MKLN1: variants seen among roughly 807,000 people sequenced by gnomAD.
MKLN1 encodes the protein muskelin.
Under a neutral mutation model 99.0 loss-of-function variants are expected in MKLN1, and 18 were observed. The ratio of observed to expected loss-of-function variants is 0.18; its 90% CI spans 0.13 to 0.27. The LOEUF is 0.27. Ranked by LOEUF, MKLN1 falls within the 10% of genes least tolerant of loss-of-function variation. MKLN1 has a pLI of 1.00. For missense variants in MKLN1, 621 were observed against 875.9 expected (o/e 0.71, Z 3.67); for synonymous variants, 288 against 293.2 (o/e 0.98, Z 0.18).
chr7:131,286,519 A>G (rs960210328), intron 3 of MKLN1, among the ~76,000 whole-genome samples: 2 of 152,170 alleles, frequency 1.3e-5, no homozygotes, highest in Non-Finnish European at 1.5e-5. Context: ...GGTACAAAAA[A>G]TTGTTTCCAG....
Position 131,487,514 on chromosome 7 carries a change from C to T in MKLN1, c.2087-93C>T. The T allele has an allele frequency of 7.2e-7, 1 of 1,397,356 alleles. No homozygotes were observed. Among genetic ancestry groups the T allele is most frequent in the South Asian group, 1.4e-5 (1 of 72,908 alleles). The allele number at this position is 1,397,356 out of a possible 1,614,324, so 86.6% of individuals were successfully genotyped here. ...CTGGTTTTGAAGCCTGATTTGATTT[C>T]TCCATTATAAAATACATTGCTGCTG... On this transcript the variant is annotated intron_variant, in intron 17 of 17. Coordinates refer to ENST00000352689, the MANE Select transcript of MKLN1 (RefSeq NM_013255.5). This position sits in a 1 kb window ranked among gnomAD's most constrained non-coding sequence, Gnocchi z 4.7.
intron 1 of MKLN1, among the ~76,000 whole-genome samples, chr7:131,374,666 T>C (rs991408728): frequency 6.6e-6 from 1 of 152,128 alleles, no homozygotes. Context: ...CCTTACAGTT[T>C]CCAGTGAAAA....
chr7:131,487,859 A>C lies in MKLN1; in HGVS notation c.*131A>C. 1 of 1,092,406 alleles carries C rather than the reference A, an allele frequency of 9.2e-7. No individual in the cohort carries two copies. Among genetic ancestry groups the C allele is most frequent in the Non-Finnish European group, 1.3e-6 (1 of 790,758 alleles). 67.7% of individuals were successfully genotyped at this position (1,092,406 alleles called of 1,614,324 possible). ...CCAGAGTTCTGAAGGGATCTTAACC[A>C]TCACAAGTTTTTACCCTCTTCCTTC... On this transcript the variant is annotated 3_prime_UTR_variant, in exon 18 of 18. Coordinates refer to ENST00000352689, the MANE Select transcript of MKLN1 (RefSeq NM_013255.5). This position sits in a 1 kb window ranked among gnomAD's most constrained non-coding sequence, Gnocchi z 4.7.
intron 6 of MKLN1, among the ~76,000 whole-genome samples, chr7:131,400,567 G>T (rs1049044463): frequency 1.4e-5 from 2 of 147,362 alleles, no homozygotes; most frequent in Non-Finnish European, 3.0e-5. Context: ...AATTCTGTGG[G>T]TTTTTTTTAA....
intron 2 of MKLN1, among the ~76,000 whole-genome samples, chr7:131,179,556 CATT>C (rs146282031): frequency 5.3e-5 from 8 of 150,466 alleles, no homozygotes; most frequent in African/African-American, 9.8e-5. Context: ...TTAAAAGAGA[CATT>C]ATTATTATTA....
At chr7:131,438,936 C>A (rs1795750354) in intron 10 of MKLN1, among the ~76,000 whole-genome samples, 1 of 151,940 alleles carries the variant, frequency 6.6e-6, no homozygotes, top group Non-Finnish European at 1.5e-5. Flanking sequence ...TTTAAACTAT[C>A]CTATTGCCAT....
At chr7:131,266,549 G>GAGGTTGGGA (rs1797811565) in intron 3 of MKLN1, among the ~76,000 whole-genome samples, 2 of 152,096 alleles carry the variant, frequency 1.3e-5, no homozygotes, top group African/African-American at 4.8e-5. Flanking sequence ...ACTGAGAGAA[G>GAGGTTGGGA]AGGTTGGGAA....
At chr7:131,172,390 A>G (rs1183194152) in intron 2 of MKLN1, among the ~76,000 whole-genome samples, 1 of 151,286 alleles carries the variant, frequency 6.6e-6, no homozygotes, top group African/African-American at 2.4e-5. Context: ...ATCTCGGCTC[A>G]CTGGAAGCTC....
chr7:131,212,216 C>G (rs1292661988), intron 3 of MKLN1, among the ~76,000 whole-genome samples: 1 of 152,184 alleles, frequency 6.6e-6, no homozygotes, highest in African/African-American at 2.4e-5. Context: ...CAGCTCTATC[C>G]AGGACACTTC....
intron 1 of MKLN1, among the ~76,000 whole-genome samples, chr7:131,361,807 G>T (rs370661181): frequency 5.4e-5 from 8 of 147,796 alleles, no homozygotes; most frequent in South Asian, 2.1e-4. Flanking sequence ...ATTTTTTTTT[G>T]GTTAGCTCTA....
chr7:131,139,697 C>T (rs1302950135), intron 1 of MKLN1, among the ~76,000 whole-genome samples: 1 of 152,196 alleles, frequency 6.6e-6, no homozygotes, highest in African/African-American at 2.4e-5. Flanking sequence ...CAGTGGACTG[C>T]TCAGAGTTCA....
At chr7:131,400,284 G>C (rs944916463) in intron 6 of MKLN1, among the ~76,000 whole-genome samples, 2 of 151,428 alleles carry the variant, frequency 1.3e-5, no homozygotes, top group Non-Finnish European at 3.0e-5. Context: ...AACCAGACTT[G>C]TACTGCCTTG....
intron 14 of MKLN1, among the ~76,000 whole-genome samples, chr7:131,464,828 C>G (rs1796613571): frequency 6.6e-6 from 1 of 152,174 alleles, no homozygotes; most frequent in Admixed American, 6.5e-5. Context: ...TCCTGATATA[C>G]TAGTGATACC....
At chr7:131,252,302 A>T (rs1162352119) in intron 3 of MKLN1, among the ~76,000 whole-genome samples, 1 of 149,438 alleles carries the variant, frequency 6.7e-6, no homozygotes, top group Non-Finnish European at 1.5e-5. Context: ...TGTTTTGGGG[A>T]TCATAGTGAA....
intron 1 of MKLN1, among the ~76,000 whole-genome samples, chr7:131,374,960 CAG>C (rs1411762171): frequency 7.0e-6 from 1 of 142,128 alleles, no homozygotes; most frequent in African/African-American, 2.6e-5. Flanking sequence ...TTTTTAAAGA[CAG>C]AGTCTTGCTA....
At chr7:131,391,141 C>T (rs766503173) in intron 4 of MKLN1, among the ~76,000 whole-genome samples, 116 of 151,802 alleles carry the variant, frequency 7.6e-4, no homozygotes, top group Non-Finnish European at 1.5e-3. Context: ...TTTAGTTTGT[C>T]ATATTTTCTT....
At chr7:131,126,321 T>C (rs1386060638) in intron 1 of MKLN1, among the ~76,000 whole-genome samples, 2 of 152,130 alleles carry the variant, frequency 1.3e-5, no homozygotes, top group South Asian at 2.1e-4. Flanking sequence ...CTTATGTTTA[T>C]AGTAAAGAAT....
intron 16 of MKLN1, among the ~76,000 whole-genome samples, chr7:131,474,631 C>G (rs529769701): frequency 6.6e-6 from 1 of 152,236 alleles, no homozygotes; most frequent in African/African-American, 2.4e-5. Flanking sequence ...GGAACAAATT[C>G]AACCCCAAAT....
At chr7:131,458,685 G>T (rs1332922570) in intron 12 of MKLN1, among the ~76,000 whole-genome samples, 1 of 151,428 alleles carries the variant, frequency 6.6e-6, no homozygotes, top group Non-Finnish European at 1.5e-5. Flanking sequence ...TGTTTTGTTG[G>T]AATATCTCCT....
Sources: gnomAD v4.1 joint callset for allele counts (sites outside exome capture counted in the v4.1 genomes callset) on GRCh38, gnomAD v4.1.1 for gene constraint, Gnocchi (gnomAD v3.1) non-coding constraint, MANE v1.5 for transcripts, NCBI Gene and HGNC (gene_info 2026-07-23, HGNC 2026-07-21) for gene names.